Variants in TMEM163 observed in about 807,000 individuals in gnomAD.
TMEM163 encodes transmembrane protein 163.
TMEM163 carries 17 observed loss-of-function variants against 29.3 expected under a neutral mutation model. The ratio of observed to expected loss-of-function variants is 0.58; its 90% CI spans 0.40 to 0.87. The LOEUF (loss-of-function observed/expected upper bound fraction) is 0.87. Ranked by LOEUF, TMEM163 falls within the 40% of genes least tolerant of loss-of-function variation. TMEM163 has a pLI of 0.00. For missense variants in TMEM163, 303 were observed against 381.5 expected, an observed-to-expected ratio of 0.79 and a Z score of 1.71; for synonymous variants, 157 against 160.6, an observed-to-expected ratio of 0.98 and a Z score of 0.17.
chr2:134,700,551 A>G (rs985051302), intron 2 of TMEM163, among the ~76,000 whole-genome samples: 1 of 152,134 alleles, frequency 6.6e-6, no homozygotes, highest in African/African-American at 2.4e-5. Flanking sequence ...TTCCTCATGT[A>G]CTTTTGCTTC....
At chr2:134,552,543 C>A (rs1680953862) in intron 2 of TMEM163, among the ~76,000 whole-genome samples, 1 of 152,028 alleles carries the variant, frequency 6.6e-6, no homozygotes, top group South Asian at 2.1e-4. Context: ...AATGTAGACA[C>A]CAGTAACAGT....
At position 134,611,835 on chromosome 2, in the gene TMEM163, A is replaced by G. The variant is rs540533314; in HGVS notation, c.323-59744T>C. On this transcript the variant is annotated intron_variant, in intron 2 of 7. Transcript: ENST00000281924. ...GGCCAGAGCAGGCAGTGAAGAGGTG[A>G]GCCTCCATGTTGGGGGAAACAGGCA... Among the ~76,000 whole-genome samples the G allele has an allele frequency of 3.3e-5, 5 of 152,324 alleles. No homozygotes were observed. The East Asian group carries it at 9.7e-4, about 29-fold the overall frequency.
chr2:134,561,379 T>C (rs1339339147), intron 2 of TMEM163, among the ~76,000 whole-genome samples: 1 of 136,370 alleles, frequency 7.3e-6, no homozygotes, highest in Middle Eastern at 3.4e-3. Context: ...AATTTTTTTG[T>C]ATTTTTTTTT....
chr2:134,468,191 T>C (rs1686711007), intron 5 of TMEM163: 1 of 152,214 alleles, frequency 6.6e-6, no homozygotes, highest in African/African-American at 2.4e-5. Flanking sequence ...GGTGACGGTA[T>C]GAGGAGGTGG....
chr2:134,530,654 C>G (rs755691662), intron 4 of TMEM163, among the ~76,000 whole-genome samples: 6 of 152,116 alleles, frequency 3.9e-5, no homozygotes, highest in Non-Finnish European at 7.4e-5. Flanking sequence ...CATTTTTATT[C>G]TATAGAAGAA....
In TMEM163 at chr2:134,526,224, G is replaced by A. The variant is rs114562448; in HGVS notation, c.459-23227C>T. Among the ~76,000 whole-genome samples the A allele has an allele frequency of 5.9e-3, 893 of 152,314 alleles. 10 individuals carry two copies. The highest frequency in any genetic ancestry group is 0.021 in the African/African-American group (859 of 41,564). On this transcript the variant is annotated intron_variant, in intron 4 of 7. Transcript: ENST00000281924. ...GGAAATCGATGGGAGAAGAAAAGGAGTTTTTCCTTCTTTTTAATAAAAGAA... is the reference window on the plus strand; with the variant it reads ...GGAAATCGATGGGAGAAGAAAAGGAATTTTTCCTTCTTTTTAATAAAAGAA...
At chr2:134,458,213 G>C in intron 6 of TMEM163, 40 bp from the exon 7 acceptor site, 4 of 1,609,712 alleles carry the variant, frequency 2.5e-6, no homozygotes, top group Non-Finnish European at 3.4e-6. Context: ...GCAGTGCCAA[G>C]CAATCCAAGA....
In TMEM163 at chr2:134,568,599, GGAAA is replaced by G. The variant is rs368973917; in HGVS notation, c.323-16512_323-16509del. The stretch of plus-strand genomic sequence containing the variant: ...AAAAAGAAAAGAAGGAAAAGAAAAA[GGAAA>G]GAAAGAAGGAAAAGAAAGAAAAAAG... On this transcript the variant is annotated intron_variant, in intron 2 of 7. Transcript: ENST00000281924. 4.2e-3 allele frequency among the ~76,000 whole-genome samples: 476 copies of G among 112,986 alleles called. 4 individuals carry two copies. The highest frequency in any genetic ancestry group is 0.031 in the South Asian group (109 of 3,558). 74.1% of individuals were successfully genotyped at this position (112,986 alleles called of 152,430 possible). A position where few individuals can be genotyped will look rare whatever the true frequency, so the allele number is the denominator to read the frequency against.
intron 2 of TMEM163, among the ~76,000 whole-genome samples, chr2:134,643,626 T>A (rs1683267404): frequency 6.6e-6 from 1 of 151,566 alleles, no homozygotes; most frequent in South Asian, 2.1e-4. Context: ...ATTGATCACA[T>A]CAATTGACAA....
intron 2 of TMEM163, among the ~76,000 whole-genome samples, chr2:134,587,489 G>A (rs842357): frequency 0.39 from 58,664 of 151,934 alleles, 12,267 homozygotes; most frequent in East Asian, 0.77. Flanking sequence ...AAACCTGAAC[G>A]CAGCAGGCCT....
At chr2:134,631,996 G>A (rs1225954986) in intron 2 of TMEM163, among the ~76,000 whole-genome samples, 1 of 152,164 alleles carries the variant, frequency 6.6e-6, no homozygotes, top group Admixed American at 6.5e-5. Flanking sequence ...GTACATGTAG[G>A]AGCTAAATTC....
chr2:134,498,010 G>A (rs2014711), intron 5 of TMEM163, among the ~76,000 whole-genome samples: 20,211 of 152,248 alleles, frequency 0.13, 1,683 homozygotes, highest in Middle Eastern at 0.3. Context: ...TCAAAAGGCA[G>A]AAGAGCAGCA....
intron 2 of TMEM163, among the ~76,000 whole-genome samples, chr2:134,581,059 C>T (rs1214228754): frequency 6.6e-6 from 1 of 152,172 alleles, no homozygotes; most frequent in Non-Finnish European, 1.5e-5. Flanking sequence ...AACTTCCTGA[C>T]CATCACAGAC....
intron 2 of TMEM163, among the ~76,000 whole-genome samples, chr2:134,585,444 A>G (rs1046009637): frequency 2.6e-5 from 4 of 152,204 alleles, no homozygotes; most frequent in Admixed American, 2.6e-4. Flanking sequence ...GAGTTAATAC[A>G]TTAAAAATAC....
chr2:134,666,619 C>G (rs573728952), intron 2 of TMEM163, among the ~76,000 whole-genome samples: 1 of 152,200 alleles, frequency 6.6e-6, no homozygotes, highest in Non-Finnish European at 1.5e-5. Context: ...GGGGAAGCAA[C>G]CTTTGAGGCT....
intron 2 of TMEM163, among the ~76,000 whole-genome samples, chr2:134,624,431 G>A (rs1682803494): frequency 6.6e-6 from 1 of 152,260 alleles, no homozygotes. Context: ...GACACGAAGA[G>A]GGGAACGACA....
chr2:134,533,679 T>A (rs372815736), intron 4 of TMEM163, among the ~76,000 whole-genome samples: 2 of 152,210 alleles, frequency 1.3e-5, no homozygotes, highest in East Asian at 3.9e-4. Context: ...TATAAGCAGA[T>A]CACATCACCC....
At chr2:134,636,165 A>G (rs1214568296) in intron 2 of TMEM163, among the ~76,000 whole-genome samples, 1 of 152,204 alleles carries the variant, frequency 6.6e-6, no homozygotes, top group Non-Finnish European at 1.5e-5. Flanking sequence ...GTGCATTGTC[A>G]GGGCTGTGTC....
chr2:134,512,756 T>TA (rs1205600032), intron 4 of TMEM163, among the ~76,000 whole-genome samples: 2 of 152,176 alleles, frequency 1.3e-5, no homozygotes, highest in African/African-American at 4.8e-5. Flanking sequence ...TATAAGGTCT[T>TA]AGAGCTGTTG....
Sources: allele counts gnomAD v4.1 joint callset (sites outside exome capture counted in the v4.1 genomes callset), GRCh38; gene constraint gnomAD v4.1.1; transcripts MANE v1.5; gene names NCBI Gene and HGNC (gene_info 2026-07-23, HGNC 2026-07-21).